The following KDM4C variants were observed in gnomAD, a reference collection of about 807,000 sequenced individuals.
KDM4C encodes the protein lysine demethylase 4C, also known as lysine-specific demethylase 4C.
In KDM4C, 81 loss-of-function variants were observed where a neutral mutation model predicts 129.3. That is an observed-to-expected ratio of 0.63 (90% CI 0.52 to 0.75). The LOEUF is 0.75. Among genes scored for constraint, KDM4C ranks in the 30% least tolerant of loss-of-function variants. KDM4C has a pLI of 0.00. For missense variants in KDM4C, 1,457 were observed against 1,304.0 expected (o/e 1.12, Z -1.81); for synonymous variants, 573 against 456.1 (o/e 1.26, Z -3.26).
intron 4 of KDM4C, among the ~76,000 whole-genome samples, chr9:6,834,043 C>CTTTTTTT (rs71487860): frequency 1.2e-4 from 13 of 109,462 alleles, no homozygotes; most frequent in African/African-American, 1.5e-4. Context: ...AAGAGATAGT[C>CTTTTTTT]TTTTTTTTTT....
At chr9:6,993,269 A>G (rs945576350) in intron 12 of KDM4C, among the ~76,000 whole-genome samples, 1 of 152,328 alleles carries the variant, frequency 6.6e-6, no homozygotes, top group East Asian at 1.9e-4. Context: ...TTTGGTGAAA[A>G]ATAATGTTAA....
intron 8 of KDM4C, among the ~76,000 whole-genome samples, chr9:6,950,002 T>C (rs1173820550): frequency 2.0e-5 from 3 of 151,622 alleles, no homozygotes; most frequent in African/African-American, 7.3e-5. Context: ...CATTTCTTCA[T>C]AGTTAACTTT....
chr9:6,903,839 C>T (rs368425975), intron 8 of KDM4C, among the ~76,000 whole-genome samples: 227 of 152,276 alleles, frequency 1.5e-3, no homozygotes, highest in Non-Finnish European at 2.6e-3. Flanking sequence ...CATTGTATAT[C>T]TCTTAAAATA....
At chr9:7,017,704 A>G (rs927952419) in intron 15 of KDM4C, among the ~76,000 whole-genome samples, 1 of 152,226 alleles carries the variant, frequency 6.6e-6, no homozygotes, top group African/African-American at 2.4e-5. Context: ...GCTCAGCTCG[A>G]TGATTTCAGC....
rs146488476 is a variant in KDM4C, at chr9:6,953,334, T to C, written c.922-27591T>C. ...GTAAAGGCTTTCCCGCCTTTATTTT[T>C]TGAAGATGAAATTGAGAGATTTAAA... is the stretch of plus-strand genomic sequence containing the variant. On this transcript the variant is annotated intron_variant, in intron 8 of 21. Coordinates refer to ENST00000381309, the MANE Select transcript of KDM4C (RefSeq NM_015061.6). Among the ~76,000 whole-genome samples the C allele has an allele frequency of 1.2e-3, 186 of 152,328 alleles. 4 individuals are homozygous for C. The East Asian group carries it at 0.033, about 27-fold the overall frequency.
At chr9:6,843,327 A>C (rs1837315198) in intron 4 of KDM4C, among the ~76,000 whole-genome samples, 1 of 152,170 alleles carries the variant, frequency 6.6e-6, no homozygotes. Context: ...TGTGGTCTGA[A>C]CCCTCTCCCC....
intron 17 of KDM4C, among the ~76,000 whole-genome samples, chr9:7,084,895 T>G (rs1834935312): frequency 6.6e-6 from 1 of 152,198 alleles, no homozygotes; most frequent in African/African-American, 2.4e-5. Flanking sequence ...TGAAGAGAGA[T>G]ACGTTAAACA....
intron 1 of KDM4C, among the ~76,000 whole-genome samples, chr9:6,762,383 G>A (rs997137019): frequency 6.6e-6 from 1 of 151,372 alleles, no homozygotes; most frequent in Non-Finnish European, 1.5e-5. Flanking sequence ...TGTTGCTCAG[G>A]CTAGTCTCAA....
At chr9:7,044,140 G>A (rs1587196571) in intron 15 of KDM4C, among the ~76,000 whole-genome samples, 1 of 152,030 alleles carries the variant, frequency 6.6e-6, no homozygotes, top group Non-Finnish European at 1.5e-5. Context: ...CAGTGAAAGT[G>A]TCAGTGGGAA....
intron 4 of KDM4C, among the ~76,000 whole-genome samples, chr9:6,842,042 A>C (rs1263274698): frequency 6.6e-6 from 1 of 152,202 alleles, no homozygotes; most frequent in Non-Finnish European, 1.5e-5. Flanking sequence ...CATAGAGTGG[A>C]TTCCTGTTAG....
chr9:6,833,092 G>C (rs1381226523), intron 4 of KDM4C, among the ~76,000 whole-genome samples: 1 of 151,978 alleles, frequency 6.6e-6, no homozygotes, highest in African/African-American at 2.4e-5. Flanking sequence ...GTACCTTGAT[G>C]GTTCTGAGCA....
In KDM4C at chr9:6,780,825, A is replaced by G. The variant is rs925619931; in HGVS notation, c.-17-12147A>G. On this transcript the variant is annotated intron_variant, in intron 1 of 21. Coordinates refer to ENST00000381309, the MANE Select transcript of KDM4C (RefSeq NM_015061.6). ...TTTAATCATATTTGGAATGTCTCAT[A>G]TAATGTAGATTTCAGCTCTCCAGAA... Among the ~76,000 whole-genome samples the G allele has an allele frequency of 2.5e-4, 37 of 150,884 alleles. 1 individual carries two copies. Among genetic ancestry groups the G allele is most frequent in the African/African-American group, 8.8e-4 (36 of 41,118 alleles).
chr9:7,168,653 T>C (rs1022501826), intron 20 of KDM4C, among the ~76,000 whole-genome samples: 1 of 152,224 alleles, frequency 6.6e-6, no homozygotes, highest in Non-Finnish European at 1.5e-5. Context: ...GTTAGGAGGT[T>C]GAGAAACAGA....
At chr9:7,071,526 A>G (rs992609995) in intron 17 of KDM4C, among the ~76,000 whole-genome samples, 8 of 152,312 alleles carry the variant, frequency 5.3e-5, no homozygotes, top group African/African-American at 1.9e-4. Flanking sequence ...TTCCAAGGCA[A>G]TTAGTTTGTT....
chr9:6,852,646 C>T (rs1308198694), intron 5 of KDM4C, among the ~76,000 whole-genome samples: 1 of 152,130 alleles, frequency 6.6e-6, no homozygotes. Flanking sequence ...TAGTGGGTGG[C>T]CTCTCCTGTG....
intron 18 of KDM4C, among the ~76,000 whole-genome samples, chr9:7,120,449 A>G (rs975341100): frequency 6.6e-6 from 1 of 152,178 alleles, no homozygotes; most frequent in African/African-American, 2.4e-5. Context: ...AAACTCTTCT[A>G]CATTTGAACA....
intron 4 of KDM4C, among the ~76,000 whole-genome samples, chr9:6,822,275 A>G (rs180901258): frequency 0.011 from 1,637 of 152,336 alleles, 21 homozygotes; most frequent in Non-Finnish European, 0.012. Context: ...TCAAAGCCTA[A>G]TATATTTACT....
rs533321049 is a variant in KDM4C, at chr9:6,884,136, C to T, written c.680-3824C>T. ...AGTTCTCCTGGCACTCCTCCTGGAG[C>T]GCTCTGCTGGTAGAGATGTTGATGG... On this transcript the variant is annotated intron_variant, in intron 6 of 21. Coordinates refer to ENST00000381309, the MANE Select transcript of KDM4C (RefSeq NM_015061.6). 1.2e-4 allele frequency among the ~76,000 whole-genome samples: 18 copies of T among 152,216 alleles called. 1 individual carries two copies. The highest frequency in any genetic ancestry group is 3.9e-4 in the East Asian group (2 of 5,172).
chr9:7,172,092 T>G (rs1362852025), intron 21 of KDM4C, among the ~76,000 whole-genome samples: 1 of 142,234 alleles, frequency 7.0e-6, no homozygotes, highest in Non-Finnish European at 1.5e-5. Context: ...TTTTTTCCAG[T>G]TGGCAAAACA....
Sources: allele counts gnomAD v4.1 joint callset (sites outside exome capture counted in the v4.1 genomes callset), GRCh38; gene constraint gnomAD v4.1.1; transcripts MANE v1.5; gene names NCBI Gene and HGNC (gene_info 2026-07-23, HGNC 2026-07-21).